The following TSPAN18 variants were observed in gnomAD, a reference collection of about 807,000 sequenced individuals.
The protein encoded by TSPAN18 is tetraspanin 18.
In TSPAN18, 14 loss-of-function variants were observed where a neutral mutation model predicts 27.3. The ratio of observed to expected loss-of-function variants is 0.51; its 90% confidence interval spans 0.34 to 0.80. The LOEUF (loss-of-function observed/expected upper bound fraction) is 0.80, where lower values mean the gene tolerates loss of function less well. Among genes scored for constraint, TSPAN18 ranks in the 30% least tolerant of loss-of-function variants. TSPAN18 has a pLI of 0.01. For synonymous variants in TSPAN18, 143 were observed against 136.5 expected (o/e 1.05, Z -0.33); for missense variants, 268 against 323.9 (o/e 0.83, Z 1.32).
intron 2 of TSPAN18, among the ~76,000 whole-genome samples, chr11:44,854,767 C>G (rs951207850): frequency 6.6e-6 from 1 of 152,174 alleles, no homozygotes; most frequent in Non-Finnish European, 1.5e-5. Flanking sequence ...TGATCTTGAG[C>G]AAGTCACTCC....
In TSPAN18 at chr11:44,908,831, A is replaced by AAAGAAAGAAAGAAAGAAAGAAAG. The variant is rs1590671474; in HGVS notation, c.64-873_64-872insAGAAAGAAAGAAAGAAAGAAAGA. 1.2e-3 allele frequency among the ~76,000 whole-genome samples: 112 copies of AAAGAAAGAAAGAAAGAAAGAAAG among 96,232 alleles called. 25 individuals are homozygous for AAAGAAAGAAAGAAAGAAAGAAAG. Among genetic ancestry groups the AAAGAAAGAAAGAAAGAAAGAAAG allele is most frequent in the African/African-American group, 2.6e-3 (63 of 23,802 alleles). 63.1% of individuals were successfully genotyped at this position (96,232 alleles called of 152,430 possible). Reference sequence around the variant, plus strand: ...AGAAAGAAAGAAAGAAAGAAAGAAAAAGAAAAATGGAGCAGATATTTATTG... The same window carrying AAAGAAAGAAAGAAAGAAAGAAAG: ...AGAAAGAAAGAAAGAAAGAAAGAAAAAAGAAAGAAAGAAAGAAAGAAAGAGAAAAATGGAGCAGATATTTATTG... On this transcript the variant is annotated intron_variant, in intron 4 of 9. Transcript: ENST00000520358.
chr11:44,801,924 C>G (rs835813), intron 2 of TSPAN18, among the ~76,000 whole-genome samples: 1 of 151,888 alleles, frequency 6.6e-6, no homozygotes, highest in Admixed American at 6.6e-5. Flanking sequence ...CCCAGCTACT[C>G]GGAAGGCTGA....
intron 2 of TSPAN18, among the ~76,000 whole-genome samples, chr11:44,814,624 G>A (rs1379836617): frequency 6.6e-6 from 1 of 151,908 alleles, no homozygotes; most frequent in African/African-American, 2.4e-5. Context: ...CACCATCTAG[G>A]AGGGTCCCAG....
intron 2 of TSPAN18, among the ~76,000 whole-genome samples, chr11:44,790,459 G>T (rs1437262085): frequency 6.7e-6 from 1 of 149,680 alleles, no homozygotes; most frequent in African/African-American, 2.5e-5. Context: ...GTGCATGTGT[G>T]TATGCATGTG....
intron 3 of TSPAN18, among the ~76,000 whole-genome samples, chr11:44,898,294 C>T (rs1859137692): frequency 6.6e-6 from 1 of 152,208 alleles, no homozygotes; most frequent in Non-Finnish European, 1.5e-5. Context: ...CTCCTTTTCC[C>T]TCTCTCGGCC....
intron 1 of TSPAN18, among the ~76,000 whole-genome samples, chr11:44,739,949 C>T (rs1307163543): frequency 2.6e-5 from 4 of 152,282 alleles, no homozygotes; most frequent in East Asian, 1.9e-4. Flanking sequence ...GGGTGCCTGG[C>T]GTGCCACTGC....
intron 3 of TSPAN18, among the ~76,000 whole-genome samples, chr11:44,879,599 T>G (rs1264962794): frequency 6.6e-6 from 1 of 152,140 alleles, no homozygotes; most frequent in Non-Finnish European, 1.5e-5. Flanking sequence ...GAGGCGGGAA[T>G]GTGCTTGCCA....
chr11:44,778,177 G>C (rs1310839058), intron 2 of TSPAN18, among the ~76,000 whole-genome samples: 1 of 152,108 alleles, frequency 6.6e-6, no homozygotes, highest in African/African-American at 2.4e-5. Context: ...GGGGAAGGAA[G>C]GTGGGGAGAG....
At chr11:44,745,904 G>A (rs1855063464) in intron 1 of TSPAN18, among the ~76,000 whole-genome samples, 1 of 152,180 alleles carries the variant, frequency 6.6e-6, no homozygotes, top group African/African-American at 2.4e-5. Flanking sequence ...GCAGGCGCCT[G>A]TAGTCCCAGC....
chr11:44,899,084 C>T (rs1266404934), intron 3 of TSPAN18, among the ~76,000 whole-genome samples: 1 of 152,196 alleles, frequency 6.6e-6, no homozygotes, highest in Non-Finnish European at 1.5e-5. Context: ...CATGGAAGGA[C>T]AGGGAGACCA....
chr11:44,822,141 T>C (rs1013603012), intron 2 of TSPAN18, among the ~76,000 whole-genome samples: 16 of 152,146 alleles, frequency 1.1e-4, no homozygotes, highest in Non-Finnish European at 2.4e-4. Flanking sequence ...CTTCTGTGTG[T>C]TGATGAGACA....
At chr11:44,743,592 G>T (rs1283107692) in intron 1 of TSPAN18, among the ~76,000 whole-genome samples, 1 of 152,206 alleles carries the variant, frequency 6.6e-6, no homozygotes, top group African/African-American at 2.4e-5. Context: ...TTGAGGCCTC[G>T]TGGGAAGATG....
intron 2 of TSPAN18, among the ~76,000 whole-genome samples, chr11:44,854,204 G>C (rs1590583970): frequency 7.3e-6 from 1 of 137,396 alleles, no homozygotes; most frequent in East Asian, 2.6e-4. Flanking sequence ...AGGGGGTGGG[G>C]GGGGGGGTTT....
At chr11:44,739,511 C>G (rs866223747) in intron 1 of TSPAN18, among the ~76,000 whole-genome samples, 1 of 152,122 alleles carries the variant, frequency 6.6e-6, no homozygotes, top group Non-Finnish European at 1.5e-5. Flanking sequence ...GTAATCCCAG[C>G]TACTCAGGAG....
intron 1 of TSPAN18, among the ~76,000 whole-genome samples, chr11:44,754,969 TC>T (rs1373201408): frequency 1.3e-5 from 2 of 152,140 alleles, no homozygotes; most frequent in Non-Finnish European, 2.9e-5. Flanking sequence ...CTATGGCAGG[TC>T]CTACACAGGA....
intron 2 of TSPAN18, among the ~76,000 whole-genome samples, chr11:44,818,330 A>C (rs574052162): frequency 1.3e-5 from 2 of 152,310 alleles, no homozygotes; most frequent in African/African-American, 4.8e-5. Flanking sequence ...CAGCCCTCCC[A>C]GGGCCCTGAC....
intron 2 of TSPAN18, among the ~76,000 whole-genome samples, chr11:44,780,868 C>T (rs1174481631): frequency 1.3e-5 from 2 of 152,222 alleles, no homozygotes; most frequent in Non-Finnish European, 2.9e-5. Context: ...TAAAACAGGG[C>T]CCCACAACTT....
rs369703331 is a variant in TSPAN18, at chr11:44,917,956, G to C, written c.259-16G>C. 1 of 1,613,976 alleles carries C rather than the reference G, an allele frequency of 6.2e-7. No individual in the cohort carries two copies. Among genetic ancestry groups the C allele is most frequent in the African/African-American group, 1.3e-5 (1 of 75,064 alleles). ...GCCTGCCCTCTGGGCTCACAAGGCT[G>C]TTCCTCTCCCTGCAGTTCTTCCTGT... On this transcript the variant is annotated splice_polypyrimidine_tract_variant and intron_variant, in intron 5 of 9. Coordinates refer to ENST00000520358, the MANE Select transcript of TSPAN18 (RefSeq NM_130783.5).
chr11:44,844,617 C>G (rs1233023582), intron 2 of TSPAN18, among the ~76,000 whole-genome samples: 1 of 152,192 alleles, frequency 6.6e-6, no homozygotes, highest in East Asian at 1.9e-4. Context: ...TGCTTATCAG[C>G]TATTTGGATT....
Sources: gnomAD v4.1 joint callset for allele counts (sites outside exome capture counted in the v4.1 genomes callset) on GRCh38, gnomAD v4.1.1 for gene constraint, MANE v1.5 for transcripts, NCBI Gene and HGNC (gene_info 2026-07-23, HGNC 2026-07-21) for gene names.